RIMBP2: variants seen among roughly 807,000 people sequenced by gnomAD.
The protein encoded by RIMBP2 is RIMS binding protein 2, also known as RIMS-binding protein 2.
RIMBP2 carries 48 observed loss-of-function variants against 118.6 expected under a neutral mutation model. The observed-to-expected ratio is 0.40, with a 90% CI of 0.32 to 0.51. The LOEUF (loss-of-function observed/expected upper bound fraction) is 0.51. RIMBP2 is among the 20% of genes least tolerant of loss of function. The probability of loss-of-function intolerance (pLI) is 0.41; values close to 1 mark genes in which losing one functional copy is unlikely to be tolerated. For missense variants in RIMBP2, 1,551 were observed against 1,768.3 expected, an observed-to-expected ratio of 0.88 and a Z score of 2.20; for synonymous variants, 762 against 742.9, an observed-to-expected ratio of 1.03 and a Z score of -0.42.
In RIMBP2 at chr12:130,424,038, A is replaced by G; in HGVS notation, c.3129+104T>C. Reference sequence around the variant, plus strand: ...CAGGGAAAACGAAAGACAGCCAGCAAGAGAGTCCCCAGGGATGGACACCAG... The same window carrying G: ...CAGGGAAAACGAAAGACAGCCAGCAGGAGAGTCCCCAGGGATGGACACCAG... On this transcript the variant is annotated intron_variant, in intron 16 of 22. Coordinates refer to ENST00000690449, the MANE Select transcript of RIMBP2 (RefSeq NM_001393629.1). This position sits in a 1 kb window ranked among gnomAD's most constrained non-coding sequence, Gnocchi z 9.8. The G allele has an allele frequency of 1.8e-6, 1 of 568,386 alleles. No homozygotes were observed. Among genetic ancestry groups the G allele is most frequent in the Non-Finnish European group, 2.6e-6 (1 of 381,752 alleles). 35.2% of individuals were successfully genotyped at this position (568,386 alleles called of 1,614,324 possible). A position where few individuals can be genotyped will look rare whatever the true frequency, so the allele number is the denominator to read the frequency against.
chr12:130,452,152 C>T (rs1469684571), intron 7 of RIMBP2, among the ~76,000 whole-genome samples: 2 of 152,150 alleles, frequency 1.3e-5, no homozygotes, highest in East Asian at 1.9e-4. Flanking sequence ...CCAAGCTCTC[C>T]GCTGCTGGGA....
At chr12:130,684,025 C>T (rs1423646976) in intron 1 of RIMBP2, among the ~76,000 whole-genome samples, 3 of 152,112 alleles carry the variant, frequency 2.0e-5, no homozygotes, top group East Asian at 3.9e-4. Context: ...AAGAGTCTGG[C>T]ACCTTTATAA....
chr12:130,657,708 AGTGAGG>A (rs1566433003), intron 1 of RIMBP2: 3 of 81,138 alleles, frequency 3.7e-5, no homozygotes, highest in African/African-American at 8.5e-5. Context: ...TGCGGGGGGC[AGTGAGG>A]GCGGAGGATG....
chr12:130,413,378 C>A (rs1009440187), intron 18 of RIMBP2, among the ~76,000 whole-genome samples: 9 of 152,092 alleles, frequency 5.9e-5, no homozygotes, highest in Non-Finnish European at 1.0e-4. Flanking sequence ...GCCTGTAATC[C>A]CAGCACTTTG....
chr12:130,689,191 G>A (rs974777589), intron 1 of RIMBP2, among the ~76,000 whole-genome samples: 3 of 152,188 alleles, frequency 2.0e-5, no homozygotes, highest in Admixed American at 2.0e-4. Context: ...GCTCACGCCT[G>A]TAATCCTGAG....
intron 7 of RIMBP2, among the ~76,000 whole-genome samples, chr12:130,453,698 C>T (rs985456413): frequency 2.0e-5 from 3 of 152,142 alleles, no homozygotes; most frequent in Admixed American, 6.5e-5. Flanking sequence ...GGCTGTTGAT[C>T]GAAGGGCACA....
At chr12:130,562,592 G>A (rs928552423) in intron 2 of RIMBP2, among the ~76,000 whole-genome samples, 8 of 152,204 alleles carry the variant, frequency 5.3e-5, no homozygotes, top group African/African-American at 9.6e-5. Context: ...AGCCATCTAT[G>A]AGCCTCTCCT....
chr12:130,603,032 A>G (rs570560311), intron 2 of RIMBP2, among the ~76,000 whole-genome samples: 1 of 152,320 alleles, frequency 6.6e-6, no homozygotes, highest in South Asian at 2.1e-4. Flanking sequence ...TCGTAATTTT[A>G]AAACCAAAAT....
intron 3 of RIMBP2, among the ~76,000 whole-genome samples, chr12:130,512,476 C>G (rs1326432963): frequency 6.6e-6 from 1 of 152,206 alleles, no homozygotes; most frequent in Non-Finnish European, 1.5e-5. Context: ...GTGCACTCCA[C>G]CATGCCCAGC....
intron 1 of RIMBP2, among the ~76,000 whole-genome samples, chr12:130,675,693 G>A (rs74416684): frequency 0.023 from 3,473 of 152,274 alleles, 65 homozygotes; most frequent in African/African-American, 0.049. Context: ...AAGAATCCAC[G>A]TGACTTTGAC....
At position 130,578,599 on chromosome 12, in the gene RIMBP2, G is replaced by T. The variant is rs1244937960; in HGVS notation, c.-217+49723C>A. Among the ~76,000 whole-genome samples, 1 of 152,142 alleles carries T rather than the reference G, an allele frequency of 6.6e-6. No individual in the cohort carries two copies. The highest frequency in any genetic ancestry group is 1.5e-5 in the Non-Finnish European group (1 of 68,032). On this transcript the variant is annotated intron_variant, in intron 2 of 22. Transcript: ENST00000690449. This position sits in a 1 kb window ranked among gnomAD's most constrained non-coding sequence, Gnocchi z 4.1. ...GGGCCTGTGCACTGTGGGCCCCTCT[G>T]CCTGAACAGGCTTCCCTTGGATCTT...
intron 2 of RIMBP2, among the ~76,000 whole-genome samples, chr12:130,565,510 A>T (rs1465768476): frequency 6.6e-6 from 1 of 152,176 alleles, no homozygotes; most frequent in African/African-American, 2.4e-5. Context: ...AGGTGGGCTC[A>T]AACTATGTGT....
chr12:130,421,687 T>TTGTGTGTGTGTG (rs200545025), intron 17 of RIMBP2, among the ~76,000 whole-genome samples: 1 of 112,222 alleles, frequency 8.9e-6, no homozygotes, highest in Non-Finnish European at 1.7e-5. Context: ...CTCCCTGCAT[T>TTGTGTGTGTGTG]TATATGTGTG....
intron 4 of RIMBP2, among the ~76,000 whole-genome samples, chr12:130,488,953 T>C (rs2082703178): frequency 6.9e-6 from 1 of 144,910 alleles, no homozygotes; most frequent in African/African-American, 2.6e-5. Context: ...TAGACACTGG[T>C]GGATGGGCTC....
intron 14 of RIMBP2, chr12:130,430,408 A>C (rs2136923720): frequency 6.6e-6 from 1 of 152,300 alleles, no homozygotes; most frequent in Middle Eastern, 3.4e-3. Flanking sequence ...CCTCCACGAG[A>C]CAGGATTTGG....
intron 2 of RIMBP2, among the ~76,000 whole-genome samples, chr12:130,528,592 T>A (rs113774532): frequency 2.6e-5 from 4 of 152,222 alleles, no homozygotes; most frequent in Non-Finnish European, 4.4e-5. Flanking sequence ...GTCCTGCACA[T>A]GTACCCCATA....
intron 1 of RIMBP2, among the ~76,000 whole-genome samples, chr12:130,642,941 G>A (rs1446889773): frequency 6.6e-6 from 1 of 152,172 alleles, no homozygotes; most frequent in African/African-American, 2.4e-5. Context: ...TTCCCTCCGT[G>A]GAGCGCCATC....
At chr12:130,572,210 C>T (rs1259709447) in intron 2 of RIMBP2, among the ~76,000 whole-genome samples, 1 of 84,004 alleles carries the variant, frequency 1.2e-5, no homozygotes, top group Non-Finnish European at 3.4e-5. Context: ...CCGGAAAACC[C>T]ACAGACGTGT....
chr12:130,632,486 C>T (rs926152138), intron 1 of RIMBP2, among the ~76,000 whole-genome samples: 1 of 152,124 alleles, frequency 6.6e-6, no homozygotes, highest in South Asian at 2.1e-4. Flanking sequence ...CGGTGCCCTC[C>T]GTACAGAACA....
Sources: allele counts gnomAD v4.1 joint callset (sites outside exome capture counted in the v4.1 genomes callset), GRCh38; gene constraint gnomAD v4.1.1; non-coding constraint Gnocchi (gnomAD v3.1); transcripts MANE v1.5; gene names NCBI Gene and HGNC (gene_info 2026-07-23, HGNC 2026-07-21).